Variants in CDYL2 observed in about 807,000 individuals in gnomAD.
The protein encoded by CDYL2 is chromodomain Y like 2.
CDYL2 carries 23 observed loss-of-function variants against 49.4 expected under a neutral mutation model. The observed-to-expected ratio is 0.47, with a 90% CI of 0.34 to 0.66. The LOEUF is 0.66. CDYL2 is among the 30% of genes least tolerant of loss of function. CDYL2 has a pLI of 0.01. For synonymous variants in CDYL2, 360 were observed against 268.8 expected (o/e 1.34, Z -3.32); for missense variants, 678 against 656.4 (o/e 1.03, Z -0.36).
At chr16:80,632,687 T>C (rs571959371) in intron 3 of CDYL2, 5 of 302,266 alleles carry the variant, frequency 1.7e-5, no homozygotes, top group Non-Finnish European at 3.2e-5. Context: ...GACATGCTGA[T>C]GACAACAAAG....
chr16:80,804,757 C>T (rs1908049986), upstream of CDYL2, among the ~76,000 whole-genome samples: 1 of 150,180 alleles, frequency 6.7e-6, no homozygotes, highest in African/African-American at 2.4e-5. Flanking sequence ...GGCGGGGCCC[C>T]CGGGGGGCGG....
At chr16:80,678,613 C>G (rs1909849547) in intron 2 of CDYL2, among the ~76,000 whole-genome samples, 1 of 149,844 alleles carries the variant, frequency 6.7e-6, no homozygotes, top group African/African-American at 2.4e-5. Flanking sequence ...CAGGAAACAA[C>G]AGGTGCTGGA....
chr16:80,618,448 A>G (rs566901186), intron 4 of CDYL2, among the ~76,000 whole-genome samples: 1 of 152,312 alleles, frequency 6.6e-6, no homozygotes, highest in South Asian at 2.1e-4. Context: ...CAGCTTTGAT[A>G]CATCTAAGAC....
chr16:80,724,960 T>C (rs887705616), intron 1 of CDYL2, among the ~76,000 whole-genome samples: 1 of 152,234 alleles, frequency 6.6e-6, no homozygotes, highest in African/African-American at 2.4e-5. Flanking sequence ...GGTTTCCCAC[T>C]GAACTAAGAA....
intron 2 of CDYL2, among the ~76,000 whole-genome samples, chr16:80,661,209 A>G (rs1287308437): frequency 6.6e-6 from 1 of 152,118 alleles, no homozygotes; most frequent in Non-Finnish European, 1.5e-5. Context: ...CAGATCGCTG[A>G]AGGATGCTAT....
intron 3 of CDYL2, among the ~76,000 whole-genome samples, chr16:80,623,230 G>T (rs775551340): frequency 2.0e-5 from 3 of 152,062 alleles, no homozygotes; most frequent in Non-Finnish European, 2.9e-5. Flanking sequence ...AGGTCCACAT[G>T]CGCCTCTGGG....
intron 2 of CDYL2, among the ~76,000 whole-genome samples, chr16:80,682,224 C>A (rs1909994632): frequency 6.6e-6 from 1 of 152,118 alleles, no homozygotes; most frequent in African/African-American, 2.4e-5. Context: ...ACAGACAAAA[C>A]AGAACAAAAT....
At chr16:80,621,688 C>T (rs184605512) in intron 3 of CDYL2, among the ~76,000 whole-genome samples, 212 of 152,348 alleles carry the variant, frequency 1.4e-3, no homozygotes, top group African/African-American at 4.9e-3. Flanking sequence ...GCATTTTGTT[C>T]CTCCTCTTCA....
chr16:80,654,326 T>C (rs892209078), intron 2 of CDYL2, among the ~76,000 whole-genome samples: 3 of 152,198 alleles, frequency 2.0e-5, no homozygotes, highest in Non-Finnish European at 4.4e-5. Flanking sequence ...GTTCTGATCC[T>C]TGGTGAGCAG....
At chr16:80,636,352 A>G (rs1907823929) in intron 2 of CDYL2, among the ~76,000 whole-genome samples, 1 of 152,214 alleles carries the variant, frequency 6.6e-6, no homozygotes, top group East Asian at 1.9e-4. Context: ...GAACTTAAAC[A>G]AATTTACAAG....
At chr16:80,619,281 G>A (rs1009553101) in intron 4 of CDYL2, among the ~76,000 whole-genome samples, 2 of 152,088 alleles carry the variant, frequency 1.3e-5, no homozygotes, top group Non-Finnish European at 2.9e-5. Context: ...TTCCAAATAC[G>A]GTCACCTCCA....
At chr16:80,704,794 G>C (rs531475395) in intron 1 of CDYL2, among the ~76,000 whole-genome samples, 12 of 152,354 alleles carry the variant, frequency 7.9e-5, no homozygotes, top group East Asian at 1.9e-4. Context: ...AGGCCACGTG[G>C]CTGAAGCCAA....
intron 2 of CDYL2, among the ~76,000 whole-genome samples, chr16:80,680,832 G>T (rs1267134939): frequency 6.6e-6 from 1 of 152,044 alleles, no homozygotes; most frequent in Non-Finnish European, 1.5e-5. Context: ...GCATGAACGT[G>T]CAGAACCCAC....
At chr16:80,796,828 G>A (rs1036812647) in intron 1 of CDYL2, among the ~76,000 whole-genome samples, 5 of 151,968 alleles carry the variant, frequency 3.3e-5, no homozygotes, top group Admixed American at 1.3e-4. Flanking sequence ...CAAACTCCTC[G>A]ATTCCTCATC....
rs573517624 is a variant in CDYL2, at chr16:80,803,345, G to C, written c.24+805C>G. Among the ~76,000 whole-genome samples, 7 of 152,282 alleles carry C rather than the reference G, an allele frequency of 4.6e-5. No homozygotes were observed. In the South Asian group the frequency reaches 1.5e-3, roughly 32 times the overall value. On this transcript the variant is annotated intron_variant, in intron 1 of 6. Transcript: ENST00000570137. Reference sequence around the variant, plus strand: ...GCCAGGTATCCACTGAGGGTGACGAGAGTACTGGGCGCTGGGCTGGCATCT... The same window carrying C: ...GCCAGGTATCCACTGAGGGTGACGACAGTACTGGGCGCTGGGCTGGCATCT...
chr16:80,608,341 C>G, intron 5 of CDYL2, 106 bp from the exon 6 acceptor site: 16 of 1,237,914 alleles, frequency 1.3e-5, no homozygotes, highest in Non-Finnish European at 1.6e-5. Context: ...TGGAAGGCAT[C>G]TTGCCTTCCA....
chr16:80,639,058 C>T (rs1371086713), intron 2 of CDYL2, among the ~76,000 whole-genome samples: 1 of 152,140 alleles, frequency 6.6e-6, no homozygotes, highest in East Asian at 1.9e-4. Flanking sequence ...AGAGACACCT[C>T]AACAAAGAAG....
chr16:80,801,714 C>G (rs1907932414), intron 1 of CDYL2, among the ~76,000 whole-genome samples: 1 of 152,194 alleles, frequency 6.6e-6, no homozygotes. Context: ...GGCCAGTCAA[C>G]ATACACTGGA....
rs1597116700 is a variant in CDYL2 at position 80,603,769 on chromosome 16, T to A, written c.*619A>T. ...ACACATAAATTATCAGAATTTCCAC[T>A]TACATTGTTTTAAAAATATATATTT... is the stretch of plus-strand genomic sequence containing the variant. On this transcript the variant is annotated 3_prime_UTR_variant, in exon 7 of 7. Transcript: ENST00000570137. 1 of 152,824 alleles carries A rather than the reference T, an allele frequency of 6.5e-6. No individual in the cohort carries two copies. The highest frequency in any genetic ancestry group is 1.9e-4 in the East Asian group (1 of 5,194). The allele number at this position is 152,824 out of a possible 1,614,324, so 9.5% of individuals were successfully genotyped here.
Sources: gnomAD v4.1 joint callset for allele counts (sites outside exome capture counted in the v4.1 genomes callset) on GRCh38, gnomAD v4.1.1 for gene constraint, MANE v1.5 for transcripts, NCBI Gene and HGNC (gene_info 2026-07-23, HGNC 2026-07-21) for gene names.